PDE12: variants seen among roughly 807,000 people sequenced by gnomAD.
PDE12 encodes the protein phosphodiesterase 12, also known as 2',5'-phosphodiesterase 12.
A neutral mutation model predicts 45.4 loss-of-function variants in PDE12; 26 were observed. The observed-to-expected ratio is 0.57, with a 90% CI of 0.42 to 0.79. The LOEUF is 0.79. Ranked by LOEUF, PDE12 falls within the 30% of genes least tolerant of loss-of-function variation. The probability of loss-of-function intolerance (pLI) is 0.00; values close to 1 mark genes in which losing one functional copy is unlikely to be tolerated. For missense variants in PDE12, 668 were observed against 790.0 expected (o/e 0.85, Z 1.85); for synonymous variants, 283 against 323.9 (o/e 0.87, Z 1.36).
chr3:57,567,691 G>A (rs1179999801), downstream of PDE12, among the ~76,000 whole-genome samples: 1 of 152,098 alleles, frequency 6.6e-6, no homozygotes, highest in African/African-American at 2.4e-5. Flanking sequence ...ATTCAATCTA[G>A]TTTTCATACT....
chr3:57,556,364 C>T lies in PDE12; in HGVS notation c.-16C>T, dbSNP rs1559775833. On this transcript the variant is annotated 5_prime_UTR_variant, in exon 1 of 3. Transcript: ENST00000311180. The surrounding 1 kb of genome is among the most constrained non-coding windows in gnomAD (Gnocchi z 5.0). ...GATCGGCCGCGGGTCTTGTCGACCG[C>T]TAGGCCACCAGGTTCATGTGGAGGC... 6.5e-7 allele frequency: 1 copy of T among 1,546,446 alleles called. No homozygotes were observed. The highest frequency in any genetic ancestry group is 2.4e-5 in the East Asian group (1 of 41,148).
the PDE12 span, among the ~76,000 whole-genome samples, chr3:57,605,417 G>A: frequency 2.0e-5 from 3 of 152,116 alleles, no homozygotes; most frequent in Non-Finnish European, 4.4e-5. Context: ...TGGGAACAAT[G>A]CCTGGTTCTA....
the PDE12 span, chr3:57,641,818 TTTAC>T: frequency 7.7e-7 from 1 of 1,300,316 alleles, no homozygotes; most frequent in East Asian, 2.4e-5. Context: ...TGAAGAATAG[TTTAC>T]TTTTTTTTTC....
At chr3:57,569,829 C>CAAAAAAA (rs11310053), downstream of PDE12, among the ~76,000 whole-genome samples, 4 of 67,878 alleles carry the variant, frequency 5.9e-5, no homozygotes, top group African/African-American at 1.2e-4. Flanking sequence ...AAAACCATCT[C>CAAAAAAA]AAAAAAAAAA....
chr3:57,578,156 C>T, the PDE12 span, among the ~76,000 whole-genome samples: 1 of 152,074 alleles, frequency 6.6e-6, no homozygotes. Flanking sequence ...CGAGTGTGTA[C>T]ACTACAGTTT....
At chr3:57,575,216 A>C in the PDE12 span, among the ~76,000 whole-genome samples, 1 of 152,078 alleles carries the variant, frequency 6.6e-6, no homozygotes, top group Non-Finnish European at 1.5e-5. Context: ...GCCAGATTTC[A>C]AAATATTTGC....
the PDE12 span, chr3:57,654,966 T>G: frequency 4.3e-6 from 1 of 232,660 alleles, no homozygotes; most frequent in Admixed American, 6.5e-5. Context: ...TATTAAATGC[T>G]TGATATAATA....
downstream of PDE12, among the ~76,000 whole-genome samples, chr3:57,567,462 G>A (rs923736566): frequency 6.6e-6 from 1 of 152,136 alleles, no homozygotes; most frequent in African/African-American, 2.4e-5. Flanking sequence ...TTCTTTGCCT[G>A]TGTCTAGATA....
At chr3:57,628,267 A>G in the PDE12 span, 1 of 1,614,148 alleles carries the variant, frequency 6.2e-7, no homozygotes, top group South Asian at 1.1e-5. Flanking sequence ...GGCAATGCTA[A>G]GATAATGGCA....
At position 57,560,834 on chromosome 3, in the gene PDE12, G is replaced by A. The variant is rs1312157475; in HGVS notation, c.*830G>A. On this transcript the variant is annotated 3_prime_UTR_variant, in exon 3 of 3. Coordinates refer to ENST00000311180, the MANE Select transcript of PDE12 (RefSeq NM_177966.7). ...ACCTAAGGTGAGAGACTTGACACATGGAAGGAGTAACATTAGGGTCTACCT... is the reference window on the plus strand; with the variant it reads ...ACCTAAGGTGAGAGACTTGACACATAGAAGGAGTAACATTAGGGTCTACCT... 1.0e-6 allele frequency: 1 copy of A among 985,194 alleles called. No individual in the cohort carries two copies. The allele number at this position is 985,194 out of a possible 1,614,324, so 61.0% of individuals were successfully genotyped here. A position where few individuals can be genotyped will look rare whatever the true frequency, so the allele number is the denominator to read the frequency against.
the PDE12 span, among the ~76,000 whole-genome samples, chr3:57,615,157 C>T: frequency 6.6e-6 from 1 of 151,936 alleles, no homozygotes; most frequent in Admixed American, 6.6e-5. Flanking sequence ...AGACAGCTCG[C>T]CCCCCTCGGC....
Position 57,559,346 on chromosome 3 carries a change from A to C in PDE12, c.1345A>C (p.Arg449=). ...TCAGTCTACAAAGGACTCTTCTAAA[A>C]GGATATGTGTTGCTAATACCCATCT... ...VLQSTKDSSK[R]ICVANTHLYW... The change falls in exon 2 of 3, where the codon AGG becomes CGG. Residue 449 remains arginine (R), a synonymous_variant. Coordinates refer to ENST00000311180, the MANE Select transcript of PDE12 (RefSeq NM_177966.7). 6.2e-7 allele frequency: 1 copy of C among 1,613,238 alleles called. No homozygotes were observed. The highest frequency in any genetic ancestry group is 8.5e-7 in the Non-Finnish European group (1 of 1,179,178).
the PDE12 span, chr3:57,584,045 A>C: frequency 7.4e-7 from 1 of 1,360,066 alleles, no homozygotes; most frequent in Non-Finnish European, 1.0e-6. Context: ...GTGCAGCGTC[A>C]TTAAGAAAAT....
the PDE12 span, chr3:57,630,989 G>C: frequency 3.7e-6 from 6 of 1,608,188 alleles, no homozygotes; most frequent in Non-Finnish European, 5.1e-6. Context: ...CTAAAACCAA[G>C]AAAAAAGTTA....
the PDE12 span, chr3:57,641,588 G>A: frequency 4.5e-6 from 6 of 1,347,326 alleles, no homozygotes; most frequent in Non-Finnish European, 6.0e-6. Flanking sequence ...AATCAAGGAT[G>A]AAAAGAAAGA....
chr3:57,629,528 T>A, the PDE12 span, among the ~76,000 whole-genome samples: 1 of 148,042 alleles, frequency 6.8e-6, no homozygotes, highest in African/African-American at 2.5e-5. Flanking sequence ...TTTTTTTTTT[T>A]TGAGACGGAG....
chr3:57,641,686 G>T, the PDE12 span: 59 of 1,612,942 alleles, frequency 3.7e-5, no homozygotes, highest in East Asian at 8.5e-4. Context: ...CGAATAATGT[G>T]TGGCCAGTGC....
At chr3:57,654,353 T>C in the PDE12 span, among the ~76,000 whole-genome samples, 1 of 152,296 alleles carries the variant, frequency 6.6e-6, no homozygotes, top group South Asian at 2.1e-4. Context: ...GAAATCAACA[T>C]GTGTCAGATA....
At chr3:57,569,420 T>C (rs1437817587), downstream of PDE12, among the ~76,000 whole-genome samples, 3 of 152,176 alleles carry the variant, frequency 2.0e-5, no homozygotes, top group African/African-American at 7.2e-5. Flanking sequence ...TGGTGCGGTC[T>C]TGGCTCACCA....
Sources: allele counts gnomAD v4.1 joint callset (sites outside exome capture counted in the v4.1 genomes callset), GRCh38; gene constraint gnomAD v4.1.1; non-coding constraint Gnocchi (gnomAD v3.1); transcripts MANE v1.5; gene names NCBI Gene and HGNC (gene_info 2026-07-23, HGNC 2026-07-21).